NTRK2: variants seen among roughly 807,000 people sequenced by gnomAD.
NTRK2 encodes the protein neurotrophic receptor tyrosine kinase 2, also known as BDNF/NT-3 growth factors receptor.
NTRK2 carries 13 observed loss-of-function variants against 94.5 expected under a neutral mutation model. The ratio of observed to expected loss-of-function variants is 0.14; its 90% CI spans 0.09 to 0.22. NTRK2 has a LOEUF of 0.22. NTRK2 is among the 10% of genes least tolerant of loss of function. The pLI is 1.00. For missense variants in NTRK2, 639 were observed against 1,071.2 expected (o/e 0.60, Z 5.63); for synonymous variants, 372 against 407.4 (o/e 0.91, Z 1.05).
At chr9:84,691,380 T>G (rs1659397) in intron 2 of NTRK2, among the ~76,000 whole-genome samples, 83,939 of 145,084 alleles carry the variant, frequency 0.58, 23,359 homozygotes, top group East Asian at 0.71. Flanking sequence ...GGGCTGTAAT[T>G]ATAACAGATA....
intron 15 of NTRK2, among the ~76,000 whole-genome samples, chr9:84,944,689 G>A (rs2078534196): frequency 6.6e-6 from 1 of 152,246 alleles, no homozygotes; most frequent in Non-Finnish European, 1.5e-5. Flanking sequence ...AGGTTGGACA[G>A]TCCTCTGGGA....
intron 12 of NTRK2, among the ~76,000 whole-genome samples, chr9:84,774,124 A>T (rs2066811101): frequency 6.6e-6 from 1 of 151,954 alleles, no homozygotes; most frequent in Admixed American, 6.6e-5. Flanking sequence ...TCCCTCATTC[A>T]TTTGGCAAAT....
intron 15 of NTRK2, among the ~76,000 whole-genome samples, chr9:84,937,113 A>G (rs1210845873): frequency 1.3e-5 from 2 of 152,210 alleles, no homozygotes; most frequent in Non-Finnish European, 2.9e-5. Flanking sequence ...AGACTATCCA[A>G]AGGAGCCTGG....
At chr9:84,888,709 T>C (rs961506035) in intron 14 of NTRK2, among the ~76,000 whole-genome samples, 2 of 148,084 alleles carry the variant, frequency 1.4e-5, no homozygotes, top group Admixed American at 6.8e-5. Flanking sequence ...CAGGGACTTC[T>C]GTCTTTACCT....
chr9:84,832,938 C>T (rs908575420), intron 12 of NTRK2, among the ~76,000 whole-genome samples: 9 of 152,190 alleles, frequency 5.9e-5, no homozygotes, highest in African/African-American at 2.2e-4. Flanking sequence ...AGATTGGATG[C>T]GGGCACTCCT....
intron 14 of NTRK2, among the ~76,000 whole-genome samples, chr9:84,903,525 C>T (rs571409924): frequency 6.6e-6 from 1 of 152,226 alleles, no homozygotes. Context: ...TTAAATTGGG[C>T]AAAGTCTTAA....
chr9:84,982,490 G>A (rs141782547), intron 17 of NTRK2, among the ~76,000 whole-genome samples: 17 of 152,310 alleles, frequency 1.1e-4, no homozygotes, highest in African/African-American at 3.4e-4. Flanking sequence ...AACCCATTAG[G>A]TCTGAATCCA....
chr9:84,797,079 C>T (rs181122338), intron 12 of NTRK2, among the ~76,000 whole-genome samples: 20 of 151,912 alleles, frequency 1.3e-4, no homozygotes, highest in African/African-American at 4.6e-4. Context: ...TTGAATATAC[C>T]CTGTTAAGTA....
intron 17 of NTRK2, among the ~76,000 whole-genome samples, chr9:84,960,537 GGATA>G (rs1418916602): frequency 6.6e-6 from 1 of 152,290 alleles, no homozygotes; most frequent in African/African-American, 2.4e-5. Flanking sequence ...ATGGATGGAT[GGATA>G]GATTGATTGA....
chr9:84,993,362 C>A (rs1294188158), intron 17 of NTRK2, among the ~76,000 whole-genome samples: 1 of 152,200 alleles, frequency 6.6e-6, no homozygotes, highest in Non-Finnish European at 1.5e-5. Context: ...CTCCCAATAG[C>A]CTCTTTCCTA....
intron 12 of NTRK2, among the ~76,000 whole-genome samples, chr9:84,775,144 C>T (rs929387554): frequency 8.5e-5 from 13 of 152,214 alleles, no homozygotes; most frequent in African/African-American, 2.4e-4. Context: ...TGAGAGAGGC[C>T]GTCTGTGCAG....
intron 12 of NTRK2, among the ~76,000 whole-genome samples, chr9:84,763,035 C>T (rs935164181): frequency 1.3e-5 from 2 of 152,164 alleles, no homozygotes; most frequent in Non-Finnish European, 2.9e-5. Flanking sequence ...AGTTCTGCCA[C>T]CTTCATATGT....
At chr9:84,921,306 C>T (rs535241899) in intron 14 of NTRK2, among the ~76,000 whole-genome samples, 1 of 152,282 alleles carries the variant, frequency 6.6e-6, no homozygotes, top group Non-Finnish European at 1.5e-5. Flanking sequence ...CAAAGTGTGG[C>T]AGTCTTCCAG....
At chr9:84,859,970 G>A (rs530804568) in intron 12 of NTRK2, among the ~76,000 whole-genome samples, 1 of 152,248 alleles carries the variant, frequency 6.6e-6, no homozygotes, top group East Asian at 1.9e-4. Flanking sequence ...GAAGTTGGGG[G>A]GCTGAAGTTG....
intron 17 of NTRK2, among the ~76,000 whole-genome samples, chr9:85,018,106 G>A (rs1832432598): frequency 6.6e-6 from 1 of 152,044 alleles, no homozygotes; most frequent in Admixed American, 6.6e-5. Flanking sequence ...GATGAAAATG[G>A]TCTGTTAAAA....
At chr9:84,953,186 C>T (rs1369737091) in intron 16 of NTRK2, among the ~76,000 whole-genome samples, 2 of 152,174 alleles carry the variant, frequency 1.3e-5, no homozygotes, top group Admixed American at 1.3e-4. Context: ...TGGAAAGGGC[C>T]CACCCTCTAG....
intron 5 of NTRK2, among the ~76,000 whole-genome samples, 166 bp downstream of exon 5, chr9:84,708,078 T>C (rs1352731626): frequency 6.6e-6 from 1 of 152,234 alleles, no homozygotes; most frequent in Non-Finnish European, 1.5e-5. Context: ...TCAAGGTTTA[T>C]TATCTCTCAT....
At chr9:84,873,133 T>A (rs530376043) in intron 14 of NTRK2, 4 of 1,063,780 alleles carry the variant, frequency 3.8e-6, no homozygotes, top group Admixed American at 5.3e-5. Flanking sequence ...CCATGGTCCA[T>A]TTTGATGGTC....
At chr9:84,983,736 C>T (rs1367102970) in intron 17 of NTRK2, among the ~76,000 whole-genome samples, 1 of 152,198 alleles carries the variant, frequency 6.6e-6, no homozygotes, top group African/African-American at 2.4e-5. Context: ...TACTGCCCCT[C>T]CGCCCCCACA....
Sources: gnomAD v4.1 joint callset for allele counts (sites outside exome capture counted in the v4.1 genomes callset) on GRCh38, gnomAD v4.1.1 for gene constraint, MANE v1.5 for transcripts, NCBI Gene and HGNC (gene_info 2026-07-23, HGNC 2026-07-21) for gene names.